DBF4B: variants seen among roughly 807,000 people sequenced by gnomAD.
DBF4B encodes the protein DBF4B-CDC7 kinase regulatory subunit, also known as protein DBF4 homolog B.
In DBF4B, 49 loss-of-function variants were observed where a neutral mutation model predicts 53.4. That is an observed-to-expected ratio of 0.92 (90% CI 0.73 to 1.16). The LOEUF (loss-of-function observed/expected upper bound fraction) is 1.16. Ranked by LOEUF, DBF4B falls within the 50% of genes most tolerant of loss-of-function variation. The probability of loss-of-function intolerance (pLI) is 0.00; values close to 1 mark genes in which losing one functional copy is unlikely to be tolerated. For missense variants in DBF4B, 692 were observed against 775.0 expected (o/e 0.89, Z 1.27); for synonymous variants, 257 against 288.7 (o/e 0.89, Z 1.11).
At position 44,715,812 on chromosome 17, in the gene DBF4B, C is replaced by CTTTTTTTTTT. The variant is rs869200833; in HGVS notation, c.82+6465_82+6474dup. ...GTTAGCCTAATTTCTTTCTTTCTTT[C>CTTTTTTTTTT]TTTTTTTTTTTTTTTTTTTTTTTTT... On this transcript the variant is annotated intron_variant, in intron 2 of 13. Transcript: ENST00000315005. 6.8e-4 allele frequency among the ~76,000 whole-genome samples: 38 copies of CTTTTTTTTTT among 55,538 alleles called. 3 individuals carry two copies. The highest frequency in any genetic ancestry group is 9.5e-4 in the Non-Finnish European group (29 of 30,662). 36.4% of individuals were successfully genotyped at this position (55,538 alleles called of 152,430 possible). A position where few individuals can be genotyped will look rare whatever the true frequency, so the allele number is the denominator to read the frequency against.
rs778031401 is a variant in DBF4B, at chr17:44,750,745, GC to G, written c.1343del (p.Pro448GlnfsTer69). ...GSREQGCLCP[C>X]PASFTQSHLV... The stretch of plus-strand genomic sequence containing the variant: ...AGGGAGCAGGGCTGCCTCTGTCCCT[GC>G]CCAGCCTCCTTTACCCAGTCTCATC... On this transcript the variant is annotated frameshift_variant, in exon 14 of 14. Coordinates refer to ENST00000315005, the MANE Select transcript of DBF4B (RefSeq NM_145663.3). LOFTEE classifies it low-confidence loss of function (END_TRUNC). 1 of 1,614,118 alleles carries G rather than the reference GC, an allele frequency of 6.2e-7. No homozygotes were observed. Among genetic ancestry groups the G allele is most frequent in the South Asian group, 1.1e-5 (1 of 91,086 alleles).
intron 2 of DBF4B, among the ~76,000 whole-genome samples, chr17:44,713,380 C>T (rs569015570): frequency 2.0e-5 from 3 of 150,416 alleles, no homozygotes; most frequent in South Asian, 2.2e-4. Flanking sequence ...CGGCCGGGCG[C>T]GGTGGCTCAT....
At chr17:44,732,386 C>A in intron 6 of DBF4B, 121 bp downstream of exon 6, 1 of 1,055,496 alleles carries the variant, frequency 9.5e-7, no homozygotes, top group Non-Finnish European at 1.4e-6. Context: ...AAATACTCAG[C>A]TGCCATGTTG....
Position 44,749,301 on chromosome 17 carries a change from G to A in DBF4B, c.1189+836G>A, listed in dbSNP as rs1451452996. 7.8e-7 allele frequency: 1 copy of A among 1,290,236 alleles called. No homozygotes were observed. The highest frequency in any genetic ancestry group is 1.0e-6 in the Non-Finnish European group (1 of 988,852). The allele number at this position is 1,290,236 out of a possible 1,614,324, so 79.9% of individuals were successfully genotyped here. A position where few individuals can be genotyped will look rare whatever the true frequency, so the allele number is the denominator to read the frequency against. ...AGCCCCAGCCCCATGCTGGCAGAGA[G>A]CTGCTCCTACGAGTCCCCAAGGTGC... is the stretch of plus-strand genomic sequence containing the variant. On this transcript the variant is annotated intron_variant, in intron 13 of 13. Coordinates refer to ENST00000315005, the MANE Select transcript of DBF4B (RefSeq NM_145663.3). The surrounding 1 kb of genome is among the most constrained non-coding windows in gnomAD (Gnocchi z 4.4).
rs931692889 is a variant in DBF4B, at chr17:44,738,290, G to A, written c.668-89G>A. 5.6e-6 allele frequency: 8 copies of A among 1,433,018 alleles called. No homozygotes were observed. The African/African-American group carries it at 1.1e-4, about 20-fold the overall frequency. The allele number at this position is 1,433,018 out of a possible 1,614,324, so 88.8% of individuals were successfully genotyped here. On this transcript the variant is annotated intron_variant, in intron 8 of 13. Coordinates refer to ENST00000315005, the MANE Select transcript of DBF4B (RefSeq NM_145663.3). ...TGCAAGGCTCTTAGGCTTTGGCAGA[G>A]CCTTCCCTCTCAGCATTTCCTGCAT...
chr17:44,741,551 G>A, intron 10 of DBF4B, 99 bp downstream of exon 10: 1 of 733,512 alleles, frequency 1.4e-6, no homozygotes, highest in Non-Finnish European at 2.3e-6. Flanking sequence ...CCATGTGTTT[G>A]CTCCTTAGGC....
chr17:44,741,118 G>T (rs1975974470), intron 9 of DBF4B, among the ~76,000 whole-genome samples: 1 of 151,746 alleles, frequency 6.6e-6, no homozygotes, highest in Non-Finnish European at 1.5e-5. Flanking sequence ...CTGGGCGACA[G>T]CGAGACTCTG....
chr17:44,729,683 TACACACACAC>T (rs71361592), intron 3 of DBF4B, among the ~76,000 whole-genome samples: 14,041 of 138,208 alleles, frequency 0.1, 812 homozygotes, highest in South Asian at 0.24. Context: ...GTAATACACA[TACACACACAC>T]ACACACACAC....
At chr17:44,736,444 A>G (rs868781446) in intron 7 of DBF4B, among the ~76,000 whole-genome samples, 13 of 152,196 alleles carry the variant, frequency 8.5e-5, no homozygotes, top group South Asian at 2.1e-4. Flanking sequence ...CCTAGAAAAT[A>G]AAGCTGCCAT....
rs753649695 is a variant in DBF4B, at chr17:44,748,465, G to A, written c.1189G>A (p.Val397Met). 2 of 1,613,972 alleles carry A rather than the reference G, an allele frequency of 1.2e-6. No individual in the cohort carries two copies. The highest frequency in any genetic ancestry group is 1.1e-5 in the South Asian group (1 of 91,074). The change falls in exon 13 of 14, where the codon GTG becomes ATG. Residue 397 changes from valine (V) to methionine (M), a missense_variant and splice_region_variant. Around this residue, in one of 3 missense-constraint regions of DBF4B, gnomAD observed 597 missense variants for 665.8 expected, o/e 0.90. Coordinates refer to ENST00000315005, the MANE Select transcript of DBF4B (RefSeq NM_145663.3). ...IRKEDSCQAS[V>M]TQGRAAGQQR... ...GAAAGAAGACAGCTGCCAGGCATCA[G>A]GTATCCCAGAGCAGGATGGGACAGT...
chr17:44,709,750 T>A (rs1972695032), intron 2 of DBF4B, among the ~76,000 whole-genome samples: 1 of 152,098 alleles, frequency 6.6e-6, no homozygotes, highest in African/African-American at 2.4e-5. Flanking sequence ...CAGGATAGAG[T>A]GACTTATTAA....
chr17:44,747,144 A>G lies in DBF4B; in HGVS notation c.892A>G (p.Lys298Glu). The G allele has an allele frequency of 6.2e-7, 1 of 1,614,234 alleles. No individual in the cohort carries two copies. Among genetic ancestry groups the G allele is most frequent in the African/African-American group, 1.3e-5 (1 of 75,070 alleles). ...SAAHTMPRRK[K>E]GYCECCQEAF... is the part of the protein sequence containing the mutation. Reference sequence around the variant, plus strand: ...TGCCCACACCATGCCCAGGAGGAAGAAAGGCTACTGCGAGTGCTGTCAGGA... The same window carrying G: ...TGCCCACACCATGCCCAGGAGGAAGGAAGGCTACTGCGAGTGCTGTCAGGA... Residue 298 changes from lysine (K) to glutamate (E), a missense_variant, in exon 11 of 14, where the codon AAA becomes GAA. Around this residue, in one of 3 missense-constraint regions of DBF4B, gnomAD observed 597 missense variants for 665.8 expected, o/e 0.90. Coordinates refer to ENST00000315005, the MANE Select transcript of DBF4B (RefSeq NM_145663.3).
chr17:44,733,864 A>T, intron 6 of DBF4B: 1 of 553,374 alleles, frequency 1.8e-6, no homozygotes, highest in Non-Finnish European at 3.2e-6. Context: ...CAATGCTGCA[A>T]AAGAGCATGA....
At chr17:44,740,430 C>T (rs2145074875) in intron 9 of DBF4B, among the ~76,000 whole-genome samples, 1 of 152,284 alleles carries the variant, frequency 6.6e-6, no homozygotes, top group Non-Finnish European at 1.5e-5. Flanking sequence ...TAAATGTTTG[C>T]AACTTGAGGC....
At chr17:44,723,690 C>T (rs536743608) in intron 3 of DBF4B, among the ~76,000 whole-genome samples, 3 of 151,218 alleles carry the variant, frequency 2.0e-5, no homozygotes, top group Non-Finnish European at 4.4e-5. Flanking sequence ...ACCTGGGAGG[C>T]GGAGTTTGCA....
chr17:44,725,749 C>T (rs956522950), intron 3 of DBF4B, among the ~76,000 whole-genome samples: 22 of 142,016 alleles, frequency 1.5e-4, no homozygotes, highest in Non-Finnish European at 2.7e-4. Context: ...TGCAGGAGCG[C>T]GGTCATGGCT....
chr17:44,749,430 G>A lies in DBF4B; in HGVS notation c.1189+965G>A. On this transcript the variant is annotated intron_variant, in intron 13 of 13. Transcript: ENST00000315005. The surrounding 1 kb of genome is among the most constrained non-coding windows in gnomAD (Gnocchi z 4.4). ...CCGGCCAGGGCTGACCAGGACGCAG[G>A]AGGGGCAGAACCCCAGGACTTCCCC... 1 of 1,289,438 alleles carries A rather than the reference G, an allele frequency of 7.8e-7. No individual in the cohort carries two copies. The highest frequency in any genetic ancestry group is 1.5e-5 in the African/African-American group (1 of 65,996). 79.9% of individuals were successfully genotyped at this position (1,289,438 alleles called of 1,614,324 possible).
At chr17:44,742,762 A>C (rs979703244) in intron 10 of DBF4B, among the ~76,000 whole-genome samples, 1 of 152,208 alleles carries the variant, frequency 6.6e-6, no homozygotes, top group Non-Finnish European at 1.5e-5. Context: ...TACGTGGCTC[A>C]TGGCTTGTGG....
intron 3 of DBF4B, among the ~76,000 whole-genome samples, 179 bp from the exon 4 acceptor site, chr17:44,729,726 A>ACACC (rs1555677106): frequency 1.6e-3 from 229 of 144,250 alleles, no homozygotes; most frequent in Non-Finnish European, 1.5e-3. Context: ...ACACACACAC[A>ACACC]CCCCATTAGA....
Sources: allele counts gnomAD v4.1 joint callset (sites outside exome capture counted in the v4.1 genomes callset), GRCh38; gene constraint gnomAD v4.1.1; regional missense constraint gnomAD v4.1.1; non-coding constraint Gnocchi (gnomAD v3.1); transcripts MANE v1.5; gene names NCBI Gene and HGNC (gene_info 2026-07-23, HGNC 2026-07-21).